Variants in RIT2 observed in about 807,000 individuals in gnomAD.
RIT2 encodes the protein GTP-binding protein Rit2.
A neutral mutation model predicts 23.7 loss-of-function variants in RIT2; 24 were observed. That is an observed-to-expected ratio of 1.01 (90% CI 0.73 to 1.43). The LOEUF (loss-of-function observed/expected upper bound fraction) is 1.43, where lower values mean the gene tolerates loss of function less well. Among genes scored for constraint, RIT2 ranks in the 40% most tolerant of loss-of-function variants. RIT2 has a pLI of 0.00. For missense variants in RIT2, 236 were observed against 266.9 expected (o/e 0.88, Z 0.81); for synonymous variants, 107 against 91.1 (o/e 1.17, Z -0.99).
chr18:42,831,751 A>G (rs1906464427), intron 4 of RIT2, among the ~76,000 whole-genome samples: 1 of 152,218 alleles, frequency 6.6e-6, no homozygotes, highest in Admixed American at 6.5e-5. Flanking sequence ...ACACTTAACT[A>G]GGAAATGGAT....
chr18:42,766,923 C>T (rs899312346), intron 4 of RIT2, among the ~76,000 whole-genome samples: 4 of 152,196 alleles, frequency 2.6e-5, no homozygotes, highest in Non-Finnish European at 4.4e-5. Context: ...GGTGTTGTAC[C>T]TGTAGGTGCA....
intron 4 of RIT2, among the ~76,000 whole-genome samples, chr18:42,782,259 C>T (rs1470506376): frequency 1.3e-5 from 2 of 152,068 alleles, no homozygotes; most frequent in African/African-American, 4.8e-5. Flanking sequence ...GAGATTAGTG[C>T]TCATGTATTT....
chr18:42,962,117 C>T (rs1324185902), intron 3 of RIT2, among the ~76,000 whole-genome samples: 1 of 152,204 alleles, frequency 6.6e-6, no homozygotes, highest in Non-Finnish European at 1.5e-5. Context: ...TACTACCATA[C>T]TTACACATGA....
rs545158600 is a variant in RIT2 at position 42,814,701 on chromosome 18, C to T, written c.427-70981G>A. On this transcript the variant is annotated intron_variant, in intron 4 of 4. Coordinates refer to ENST00000326695, the MANE Select transcript of RIT2 (RefSeq NM_002930.4). ...AGGGCACTGCCCACCACCTGTTCCT[C>T]CCCATACTACCACAGCTGATGCTTT... is the stretch of plus-strand genomic sequence containing the variant. 3.9e-5 allele frequency among the ~76,000 whole-genome samples: 6 copies of T among 152,278 alleles called. No homozygotes were observed. The South Asian group carries it at 8.3e-4, about 21-fold the overall frequency.
At chr18:42,807,362 A>G (rs555526631) in intron 4 of RIT2, among the ~76,000 whole-genome samples, 1 of 152,290 alleles carries the variant, frequency 6.6e-6, no homozygotes, top group Non-Finnish European at 1.5e-5. Flanking sequence ...CATTCCTGTA[A>G]TTCCAGCACT....
At chr18:42,959,674 T>G (rs907811620) in intron 3 of RIT2, among the ~76,000 whole-genome samples, 1 of 152,336 alleles carries the variant, frequency 6.6e-6, no homozygotes, top group East Asian at 1.9e-4. Flanking sequence ...GTACTCCATT[T>G]AGACTAATTC....
intron 4 of RIT2, among the ~76,000 whole-genome samples, chr18:42,845,988 C>T (rs1343512117): frequency 6.6e-6 from 1 of 151,412 alleles, no homozygotes; most frequent in Admixed American, 6.6e-5. Flanking sequence ...AAGAAATTAG[C>T]CAAACAACAA....
At chr18:43,094,001 G>A (rs1274911251) in intron 1 of RIT2, among the ~76,000 whole-genome samples, 3 of 151,794 alleles carry the variant, frequency 2.0e-5, no homozygotes, top group African/African-American at 7.3e-5. Context: ...AGAGGAGCAG[G>A]GGAGCAAGCA....
At chr18:43,092,815 G>T (rs1194377113) in intron 1 of RIT2, among the ~76,000 whole-genome samples, 2 of 152,012 alleles carry the variant, frequency 1.3e-5, no homozygotes, top group Non-Finnish European at 2.9e-5. Flanking sequence ...AAGAAATCAT[G>T]GCTGAAACGT....
At chr18:42,923,504 C>T (rs1909102696) in intron 4 of RIT2, 68 bp downstream of exon 4, 2 of 1,272,702 alleles carry the variant, frequency 1.6e-6, no homozygotes, top group Non-Finnish European at 2.2e-6. Flanking sequence ...CCTGGGAAAG[C>T]AGCCATATTT....
At chr18:43,060,482 T>A (rs971808528) in intron 1 of RIT2, among the ~76,000 whole-genome samples, 1 of 152,072 alleles carries the variant, frequency 6.6e-6, no homozygotes, top group African/African-American at 2.4e-5. Context: ...TGGTCAGCAA[T>A]GGGATTGGGA....
intron 2 of RIT2, among the ~76,000 whole-genome samples, chr18:42,993,742 T>C (rs1887720334): frequency 6.6e-6 from 1 of 151,540 alleles, no homozygotes; most frequent in East Asian, 1.9e-4. Context: ...CTTCACATCC[T>C]CCCCTTGTAT....
chr18:42,967,536 ATTTTTTTTTT>A (rs397940927), intron 3 of RIT2, among the ~76,000 whole-genome samples: 24 of 80,762 alleles, frequency 3.0e-4, no homozygotes, highest in Non-Finnish European at 3.5e-4. Context: ...CGCCCGGCTA[ATTTTTTTTTT>A]TTTTTTTTTT....
intron 4 of RIT2, among the ~76,000 whole-genome samples, chr18:42,864,171 A>G (rs927860000): frequency 6.6e-6 from 1 of 152,160 alleles, no homozygotes; most frequent in African/African-American, 2.4e-5. Flanking sequence ...GTTGGTTGCC[A>G]TGCCTTTCTC....
intron 4 of RIT2, among the ~76,000 whole-genome samples, chr18:42,814,874 G>A (rs7233111): frequency 0.035 from 5,262 of 152,230 alleles, 289 homozygotes; most frequent in African/African-American, 0.12. Flanking sequence ...CCCAGTACCA[G>A]CCTGGAGCCT....
chr18:42,930,789 C>A (rs181487999), intron 3 of RIT2, among the ~76,000 whole-genome samples: 1 of 152,152 alleles, frequency 6.6e-6, no homozygotes, highest in East Asian at 1.9e-4. Flanking sequence ...GTGACAGATT[C>A]AGGGGGCAAG....
chr18:43,054,433 T>C (rs904883711), intron 1 of RIT2, among the ~76,000 whole-genome samples: 4 of 152,008 alleles, frequency 2.6e-5, no homozygotes, highest in Non-Finnish European at 5.9e-5. Flanking sequence ...CATGTTTAAA[T>C]AAAGAAAGGA....
intron 3 of RIT2, among the ~76,000 whole-genome samples, chr18:42,926,324 A>G (rs1909179726): frequency 6.6e-6 from 1 of 151,924 alleles, no homozygotes; most frequent in Non-Finnish European, 1.5e-5. Context: ...TTTATGTGTT[A>G]TGATCAACAT....
chr18:43,095,269 T>C (rs1279981369), intron 1 of RIT2, among the ~76,000 whole-genome samples: 3 of 152,242 alleles, frequency 2.0e-5, no homozygotes, highest in African/African-American at 7.2e-5. Context: ...TGGCGTGAGA[T>C]GTTATCTCAT....
Sources: allele counts gnomAD v4.1 joint callset (sites outside exome capture counted in the v4.1 genomes callset), GRCh38; gene constraint gnomAD v4.1.1; transcripts MANE v1.5; gene names NCBI Gene and HGNC (gene_info 2026-07-23, HGNC 2026-07-21).